The following PTPRK variants were observed in gnomAD, a reference collection of about 807,000 sequenced individuals.
PTPRK encodes the protein receptor-type tyrosine-protein phosphatase kappa.
PTPRK carries 75 observed loss-of-function variants against 178.0 expected under a neutral mutation model. That is an observed-to-expected ratio of 0.42 (90% confidence interval 0.35 to 0.51). PTPRK has a LOEUF of 0.51. PTPRK is among the 20% of genes least tolerant of loss of function. The pLI, the probability that PTPRK is intolerant of heterozygous loss-of-function variation, is 0.02. For synonymous variants in PTPRK, 637 were observed against 620.6 expected, an observed-to-expected ratio of 1.03 and a Z score of -0.39; for missense variants, 1,441 against 1,797.8, an observed-to-expected ratio of 0.80 and a Z score of 3.59.
chr6:128,246,181 G>T (rs867318990), intron 3 of PTPRK, among the ~76,000 whole-genome samples: 1 of 152,058 alleles, frequency 6.6e-6, no homozygotes, highest in Middle Eastern at 3.4e-3. Flanking sequence ...TCATTTTTTT[G>T]AAAACAATGA....
At chr6:128,344,838 C>T (rs1007029240) in intron 2 of PTPRK, among the ~76,000 whole-genome samples, 1 of 152,060 alleles carries the variant, frequency 6.6e-6, no homozygotes, top group Non-Finnish European at 1.5e-5. Flanking sequence ...CTAAAGAGGA[C>T]TTTTGTCTGC....
intron 19 of PTPRK, among the ~76,000 whole-genome samples, chr6:127,991,978 T>G (rs1442667963): frequency 2.0e-5 from 3 of 151,788 alleles, no homozygotes; most frequent in Non-Finnish European, 3.0e-5. Flanking sequence ...TCCAAAGATA[T>G]GTGAAAACAC....
intron 3 of PTPRK, among the ~76,000 whole-genome samples, chr6:128,249,318 AT>A (rs145237497): frequency 2.0e-3 from 294 of 146,828 alleles, no homozygotes; most frequent in Non-Finnish European, 3.3e-3. Flanking sequence ...AAAAAACAGT[AT>A]TTTTTTTTTA....
At chr6:127,976,299 T>A (rs1478680369) in intron 27 of PTPRK, among the ~76,000 whole-genome samples, 3 of 150,004 alleles carry the variant, frequency 2.0e-5, no homozygotes, top group Non-Finnish European at 4.4e-5. Context: ...TTATTTTTTT[T>A]ATCACATGCC....
Position 128,397,644 on chromosome 6 carries a change from G to T in PTPRK, c.145C>A (p.Gln49Lys), listed in dbSNP as rs1293437396. 1 of 1,613,234 alleles carries T rather than the reference G, an allele frequency of 6.2e-7. No individual in the cohort carries two copies. The highest frequency in any genetic ancestry group is 1.1e-5 in the South Asian group (1 of 91,058). The change falls in exon 2 of 30, where the codon CAG becomes AAG. Residue 49 changes from glutamine (Q) to lysine (K), a missense_variant. This residue lies in a region of PTPRK where 158 missense variants were observed against 188.0 expected (regional missense o/e 0.84). Transcript: ENST00000368226. The part of the protein sequence containing the change: ...DDGPGACDYH[Q>K]DLYDDFEWVH... ...CATTCAAAGTCATCATACAGATCCT[G>T]GTGGTAATCACAGGCCCCTGGACCA...
At chr6:128,362,401 A>G (rs1258123474) in intron 2 of PTPRK, among the ~76,000 whole-genome samples, 2 of 152,110 alleles carry the variant, frequency 1.3e-5, no homozygotes, top group African/African-American at 4.8e-5. Flanking sequence ...ATTCAACATG[A>G]GGTTTGGCAG....
At chr6:127,988,115 T>C (rs1395251435) in intron 21 of PTPRK, among the ~76,000 whole-genome samples, 1 of 150,580 alleles carries the variant, frequency 6.6e-6, no homozygotes, top group Non-Finnish European at 1.5e-5. Flanking sequence ...GATCCAAATT[T>C]TCAATATCTT....
intron 6 of PTPRK, among the ~76,000 whole-genome samples, chr6:128,185,501 C>G (rs974952376): frequency 6.6e-6 from 1 of 151,876 alleles, no homozygotes; most frequent in Non-Finnish European, 1.5e-5. Flanking sequence ...AATGAGACAC[C>G]GAACTTTATG....
intron 16 of PTPRK, 97 bp downstream of exon 16, chr6:127,998,623 C>A (rs767114133): frequency 6.0e-5 from 59 of 979,036 alleles, no homozygotes; most frequent in Non-Finnish European, 8.5e-5. Context: ...TAGAACAATC[C>A]CCTCCTTGTT....
At chr6:128,308,726 G>C (rs1202588383) in intron 3 of PTPRK, among the ~76,000 whole-genome samples, 3 of 152,156 alleles carry the variant, frequency 2.0e-5, no homozygotes, top group African/African-American at 7.2e-5. Flanking sequence ...GAGGCATTAA[G>C]TAAAAACCAC....
intron 5 of PTPRK, among the ~76,000 whole-genome samples, chr6:128,238,637 T>G (rs1813802815): frequency 6.6e-6 from 1 of 152,204 alleles, no homozygotes; most frequent in African/African-American, 2.4e-5. Context: ...AAAATCATTT[T>G]TAAACTATTA....
intron 5 of PTPRK, among the ~76,000 whole-genome samples, chr6:128,238,489 G>T (rs1478827290): frequency 6.6e-6 from 1 of 151,982 alleles, no homozygotes; most frequent in Non-Finnish European, 1.5e-5. Context: ...AAATCCTGAG[G>T]CATAAAACCA....
chr6:128,418,886 C>T (rs993207137), intron 1 of PTPRK, among the ~76,000 whole-genome samples: 1 of 152,104 alleles, frequency 6.6e-6, no homozygotes, highest in East Asian at 1.9e-4. Context: ...CCTATCCTTG[C>T]TCAGAAATAC....
chr6:128,295,983 A>G (rs1824283370), intron 3 of PTPRK, among the ~76,000 whole-genome samples: 1 of 152,158 alleles, frequency 6.6e-6, no homozygotes, highest in Non-Finnish European at 1.5e-5. Context: ...AACGATTAAC[A>G]TCACTGAAAT....
chr6:128,470,586 A>T (rs1022126620), intron 1 of PTPRK, among the ~76,000 whole-genome samples: 14 of 151,986 alleles, frequency 9.2e-5, no homozygotes, highest in Non-Finnish European at 1.8e-4. Flanking sequence ...AAACTTAGAA[A>T]GTGTTTCAGT....
chr6:128,440,868 A>G (rs1311255330), intron 1 of PTPRK, among the ~76,000 whole-genome samples: 1 of 151,802 alleles, frequency 6.6e-6, no homozygotes, highest in African/African-American at 2.4e-5. Context: ...AACTTTTGCT[A>G]TTAAAAAAAA....
intron 3 of PTPRK, among the ~76,000 whole-genome samples, chr6:128,251,111 T>C (rs932795660): frequency 6.6e-6 from 1 of 152,190 alleles, no homozygotes; most frequent in Non-Finnish European, 1.5e-5. Context: ...GAATTCTTAT[T>C]AACCTTTTCC....
chr6:127,998,911 T>A lies in PTPRK; in HGVS notation c.2495-7A>T, dbSNP rs748352715. Reference sequence around the variant, plus strand: ...GTAGCACTGTGGTTCTCATCTGGCATTTTTCAGATTTCAGAAGATTAAAAA... The same window carrying A: ...GTAGCACTGTGGTTCTCATCTGGCAATTTTCAGATTTCAGAAGATTAAAAA... On this transcript the variant is annotated splice_region_variant and splice_polypyrimidine_tract_variant and intron_variant, in intron 15 of 29. Coordinates refer to ENST00000368226, the MANE Select transcript of PTPRK (RefSeq NM_002844.4). 6.6e-7 allele frequency: 1 copy of A among 1,517,448 alleles called. No individual in the cohort carries two copies. The highest frequency in any genetic ancestry group is 1.3e-5 in the South Asian group (1 of 78,670). The allele number at this position is 1,517,448 out of a possible 1,614,324, so 94.0% of individuals were successfully genotyped here.
intron 12 of PTPRK, among the ~76,000 whole-genome samples, chr6:128,066,846 G>A (rs1200388704): frequency 1.3e-5 from 2 of 152,142 alleles, no homozygotes; most frequent in African/African-American, 4.8e-5. Flanking sequence ...GTCCTGTTGT[G>A]TTTTCCTCTT....
Sources: allele counts gnomAD v4.1 joint callset (sites outside exome capture counted in the v4.1 genomes callset), GRCh38; gene constraint gnomAD v4.1.1; regional missense constraint gnomAD v4.1.1; transcripts MANE v1.5; gene names NCBI Gene and HGNC (gene_info 2026-07-23, HGNC 2026-07-21).